Variants in NBPF10 observed in about 807,000 individuals in gnomAD.
NBPF10 encodes NBPF family member NBPF10.
NBPF10 carries 63 observed loss-of-function variants against 77.9 expected under a neutral mutation model. The observed-to-expected ratio is 0.81, with a 90% confidence interval of 0.66 to 1.00. The LOEUF is 1.00. Ranked by LOEUF, NBPF10 falls within the 50% of genes least tolerant of loss-of-function variation. The probability of loss-of-function intolerance (pLI) is 0.00; values close to 1 mark genes in which losing one functional copy is unlikely to be tolerated. For missense variants in NBPF10, 522 were observed against 679.8 expected (o/e 0.77, Z 2.58); for synonymous variants, 146 against 264.5 (o/e 0.55, Z 4.35).
At chr1:146,123,547 A>C (rs1396748222) in intron 17 of NBPF10, among the ~76,000 whole-genome samples, 1 of 105,602 alleles carries the variant, frequency 9.5e-6, no homozygotes, top group Admixed American at 9.4e-5. Context: ...GAACGAGCTC[A>C]GTGAATTGTC....
chr1:146,125,850 C>T (rs587730629), intron 14 of NBPF10, among the ~76,000 whole-genome samples: 1 of 150,596 alleles, frequency 6.6e-6, no homozygotes, highest in African/African-American at 2.4e-5. Context: ...CTATTCAGCC[C>T]TGTCTCATCA....
chr1:146,072,681 T>A, intron 82 of NBPF10, 48 bp downstream of exon 82: 1 of 43,462 alleles, frequency 2.3e-5, no homozygotes, highest in Admixed American at 4.7e-4. Context: ...ATCACCCCTA[T>A]CTGGAAGACC....
rs587649474 is a variant in NBPF10 at position 146,126,324 on chromosome 1, A to G, written c.1938T>C (p.Cys646=). 7.5e-5 allele frequency: 99 copies of G among 1,326,164 alleles called. 2 individuals are homozygous for G. In the East Asian group the frequency reaches 1.9e-3, roughly 25 times the overall value. 82.1% of individuals were successfully genotyped at this position (1,326,164 alleles called of 1,614,324 possible). ...GCTGGCATGAGTCAGTCAGTTCAAG[A>G]CAACCTGAAGGAGTTGAATAACATC... The change falls in exon 14 of 90, where the codon TGT becomes TGC. Residue 646 remains cysteine (C), a synonymous_variant. Transcript: ENST00000583866.
intron 5 of NBPF10, among the ~76,000 whole-genome samples, chr1:146,139,312 T>C (rs1463838332): frequency 6.6e-6 from 1 of 151,458 alleles, no homozygotes; most frequent in Non-Finnish European, 1.5e-5. Context: ...GGTTTCACCG[T>C]GTTAGCCAGG....
intron 89 of NBPF10, among the ~76,000 whole-genome samples, chr1:146,066,949 C>T (rs1406392476): frequency 1.4e-5 from 2 of 144,782 alleles, no homozygotes; most frequent in African/African-American, 4.9e-5. Flanking sequence ...GATGCAGTGG[C>T]CATGAGAGTA....
At chr1:146,130,075 C>T (rs1553791918) in intron 11 of NBPF10, among the ~76,000 whole-genome samples, 1 of 21,042 alleles carries the variant, frequency 4.8e-5, no homozygotes, top group Non-Finnish European at 8.1e-5. Context: ...ACAACAGGCC[C>T]CAGTGTGTGA....
intron 9 of NBPF10, 103 bp downstream of exon 9, chr1:146,134,090 G>C: frequency 9.4e-7 from 1 of 1,066,660 alleles, no homozygotes; most frequent in Non-Finnish European, 1.4e-6. Flanking sequence ...GTGGCCAAGC[G>C]AATGCGGGTT....
At chr1:146,126,191 A>G (rs1328123020) in intron 14 of NBPF10, 45 bp downstream of exon 14, 4 of 1,057,276 alleles carry the variant, frequency 3.8e-6, no homozygotes, top group Non-Finnish European at 5.9e-6. Context: ...GACCCTAACC[A>G]GAAGACTCAG....
exon 14 of NBPF10, chr1:146,126,309 G>C: frequency 6.6e-7 from 1 of 1,509,188 alleles, no homozygotes; most frequent in Non-Finnish European, 9.2e-7. Context: ...GCTGGCATGA[G>C]TCAGTCAGTT....
intron 77 of NBPF10, among the ~76,000 whole-genome samples, chr1:146,076,250 C>G (rs1366555285): frequency 6.9e-4 from 6 of 8,758 alleles, no homozygotes; most frequent in East Asian, 3.3e-3. Flanking sequence ...CACACACACA[C>G]ACACACACAC....
chr1:146,142,618 C>A lies in NBPF10; in HGVS notation c.278+32G>T. On this transcript the variant is annotated intron_variant, in intron 2 of 89. Transcript: ENST00000583866. ...TGTACTTCAGAGATCTACACACCTA[C>A]CCGCCTGCCTCCCCCTATGGGGTCC... 6.8e-6 allele frequency: 8 copies of A among 1,184,702 alleles called. 1 individual carries two copies. In the East Asian group the frequency reaches 1.1e-4, roughly 17 times the overall value. The allele number at this position is 1,184,702 out of a possible 1,614,324, so 73.4% of individuals were successfully genotyped here.
chr1:146,091,152 C>A (rs1465705899), intron 58 of NBPF10, among the ~76,000 whole-genome samples: 5 of 66,454 alleles, frequency 7.5e-5, no homozygotes, highest in Admixed American at 1.7e-4. Context: ...CATCGTTATC[C>A]CAAAATCATT....
At chr1:146,067,902 A>G (rs1340499816) in intron 88 of NBPF10, 101 bp downstream of exon 88, 4 of 703,972 alleles carry the variant, frequency 5.7e-6, no homozygotes, top group East Asian at 2.7e-5. Flanking sequence ...TGCCTGCGGC[A>G]ATGACGTCTC....
intron 81 of NBPF10, among the ~76,000 whole-genome samples, chr1:146,073,163 G>T (rs1353219344): frequency 1.6e-5 from 1 of 64,042 alleles, no homozygotes; most frequent in Non-Finnish European, 2.8e-5. Flanking sequence ...ACTGATGAAG[G>T]GGTCAAAGGA....
rs1361562340 is a variant in NBPF10 at position 146,142,292 on chromosome 1, C to T, written c.278+358G>A. On this transcript the variant is annotated intron_variant, in intron 2 of 89. Coordinates refer to ENST00000583866, the Ensembl canonical transcript of NBPF10. ...TTGATTGAGTGAAAGAATGAGAAGA[C>T]GCAGTCAGTCAGGAGGTGATTCTCA... Among the ~76,000 whole-genome samples, 6 of 117,748 alleles carry T rather than the reference C, an allele frequency of 5.1e-5. 1 individual carries two copies. Among genetic ancestry groups the T allele is most frequent in the Non-Finnish European group, 1.1e-4 (6 of 52,208 alleles). 77.2% of individuals were successfully genotyped at this position (117,748 alleles called of 152,430 possible).
intron 89 of NBPF10, 58 bp from the exon 90 acceptor site, chr1:146,066,619 C>G (rs1381602197): frequency 1.9e-6 from 1 of 529,910 alleles, no homozygotes; most frequent in Non-Finnish European, 3.3e-6. Context: ...CCACAGAGCC[C>G]CAGCTAGATT....
intron 11 of NBPF10, among the ~76,000 whole-genome samples, chr1:146,129,888 T>C (rs1553791810): frequency 2.0e-5 from 2 of 98,412 alleles, no homozygotes; most frequent in African/African-American, 9.8e-5. Flanking sequence ...TTATTTTTTG[T>C]GTGTATGTAT....
At chr1:146,067,819 A>C (rs1483320397) in intron 88 of NBPF10, among the ~76,000 whole-genome samples, 184 bp downstream of exon 88, 1 of 151,936 alleles carries the variant, frequency 6.6e-6, no homozygotes, top group East Asian at 2.0e-4. Context: ...AGTCTTGCTC[A>C]CTGAACCATT....
At chr1:146,066,707 T>C (rs1407397981) in intron 89 of NBPF10, 146 bp from the exon 90 acceptor site, 31 of 585,128 alleles carry the variant, frequency 5.3e-5, no homozygotes, top group Non-Finnish European at 8.8e-5. Flanking sequence ...ATTTATTGCC[T>C]TTATGTTGGG....
Sources: gnomAD v4.1 joint callset for allele counts (sites outside exome capture counted in the v4.1 genomes callset) on GRCh38, gnomAD v4.1.1 for gene constraint, MANE v1.5 for transcripts, NCBI Gene and HGNC (gene_info 2026-07-23, HGNC 2026-07-21) for gene names.